Variants in CFAP221 observed in about 807,000 individuals in gnomAD.
The protein encoded by CFAP221 is cilia and flagella associated protein 221, also known as cilia- and flagella-associated protein 221.
A neutral mutation model predicts 113.1 loss-of-function variants in CFAP221; 97 were observed. That is an observed-to-expected ratio of 0.86 (90% confidence interval 0.73 to 1.02). CFAP221 has a LOEUF of 1.02. Among genes scored for constraint, CFAP221 ranks in the 50% least tolerant of loss-of-function variants. The probability of loss-of-function intolerance (pLI) is 0.00; values close to 1 mark genes in which losing one functional copy is unlikely to be tolerated. For missense variants in CFAP221, 1,025 were observed against 1,013.4 expected (o/e 1.01, Z -0.16); for synonymous variants, 331 against 354.4 (o/e 0.93, Z 0.74).
chr2:119,630,434 G>A (rs1686685245), intron 17 of CFAP221, 136 bp from the exon 18 acceptor site: 5 of 668,788 alleles, frequency 7.5e-6, no homozygotes, highest in Non-Finnish European at 1.3e-5. Flanking sequence ...ACCAACAATA[G>A]CCACAATCCG....
intron 6 of CFAP221, among the ~76,000 whole-genome samples, chr2:119,564,073 C>T (rs1192624494): frequency 2.0e-5 from 3 of 152,168 alleles, no homozygotes; most frequent in Non-Finnish European, 4.4e-5. Context: ...GAAGCAAGGC[C>T]TAAAGAGCCT....
chr2:119,622,011 A>G (rs1223772836), intron 14 of CFAP221, among the ~76,000 whole-genome samples: 1 of 152,146 alleles, frequency 6.6e-6, no homozygotes, highest in Non-Finnish European at 1.5e-5. Flanking sequence ...AAAAATAACT[A>G]AGATCAGAGC....
At chr2:119,580,006 C>T (rs1682731806) in intron 6 of CFAP221, among the ~76,000 whole-genome samples, 2 of 152,140 alleles carry the variant, frequency 1.3e-5, no homozygotes, top group Admixed American at 6.5e-5. Flanking sequence ...CTTCACATCG[C>T]GCATTACCCA....
At chr2:119,643,607 C>T (rs1176453558) in intron 21 of CFAP221, among the ~76,000 whole-genome samples, 1 of 152,086 alleles carries the variant, frequency 6.6e-6, no homozygotes. Context: ...TGCAGTGGCA[C>T]GATCTCAGCT....
At chr2:119,558,180 C>T (rs1410251014) in intron 3 of CFAP221, among the ~76,000 whole-genome samples, 1 of 152,154 alleles carries the variant, frequency 6.6e-6, no homozygotes, top group African/African-American at 2.4e-5. Flanking sequence ...CAATGAGAAG[C>T]ATGGGGACAA....
chr2:119,606,734 G>A (rs28412179), intron 11 of CFAP221, among the ~76,000 whole-genome samples: 5,092 of 152,214 alleles, frequency 0.033, 253 homozygotes, highest in African/African-American at 0.11. Context: ...ATGCATCTCT[G>A]TATCAGACTT....
chr2:119,589,817 G>A (rs1558939567), intron 7 of CFAP221: 1 of 152,190 alleles, frequency 6.6e-6, no homozygotes, highest in Admixed American at 6.5e-5. Flanking sequence ...CCTGAGGCTG[G>A]AGAAAATGAA....
At position 119,639,840 on chromosome 2, in the gene CFAP221, G is replaced by T; in HGVS notation, c.2193G>T (p.Leu731=). ...KSFQSLVLSS[L]PDPSKMETTK... is the part of the protein sequence containing the mutation. ...TCCAGTCCCTGGTTCTCTCCTCCCT[G>T]CCGGACCCCTCCAAGATGGAGACCA... The change falls in exon 21 of 24, where the codon CTG becomes CTT. Residue 731 remains leucine (L), a synonymous_variant. Transcript: ENST00000413369. 6.2e-7 allele frequency: 1 copy of T among 1,614,088 alleles called. No homozygotes were observed. Among genetic ancestry groups the T allele is most frequent in the Non-Finnish European group, 8.5e-7 (1 of 1,180,000 alleles).
At chr2:119,588,964 G>A (rs1004664880) in intron 7 of CFAP221, among the ~76,000 whole-genome samples, 5 of 152,146 alleles carry the variant, frequency 3.3e-5, no homozygotes, top group African/African-American at 1.2e-4. Flanking sequence ...AACAAAGAAA[G>A]ACCAAGGAAG....
intron 20 of CFAP221, among the ~76,000 whole-genome samples, chr2:119,639,290 T>C (rs957687492): frequency 1.3e-5 from 2 of 152,188 alleles, no homozygotes; most frequent in African/African-American, 4.8e-5. Context: ...TGGCCCACAA[T>C]GCCCTCGTGA....
intron 5 of CFAP221, among the ~76,000 whole-genome samples, chr2:119,560,872 A>C (rs1681195783): frequency 2.0e-5 from 3 of 152,144 alleles, no homozygotes; most frequent in African/African-American, 7.2e-5. Context: ...CATATTAGAG[A>C]TGCATTTCCA....
chr2:119,557,304 A>AC (rs1382115410), intron 3 of CFAP221: 1 of 152,228 alleles, frequency 6.6e-6, no homozygotes. Context: ...ACTCTGCAAC[A>AC]CATATGAACA....
intron 14 of CFAP221, among the ~76,000 whole-genome samples, chr2:119,621,223 CA>C (rs77833812): frequency 0.018 from 1,730 of 96,288 alleles, 7 homozygotes; most frequent in East Asian, 0.027. Context: ...GAAACTGTGT[CA>C]AAAAAAAAAA....
chr2:119,572,506 A>G (rs996479996), intron 6 of CFAP221: 5 of 687,834 alleles, frequency 7.3e-6, no homozygotes, highest in East Asian at 2.7e-5. Flanking sequence ...CATGGTTCTA[A>G]AAAGATTCAT....
In CFAP221 at chr2:119,611,745, G is replaced by A. The variant is rs1258857493; in HGVS notation, c.1311+3G>A. 1.2e-6 allele frequency: 2 copies of A among 1,606,684 alleles called. No individual in the cohort carries two copies. Among genetic ancestry groups the A allele is most frequent in the African/African-American group, 2.7e-5 (2 of 74,626 alleles). The stretch of plus-strand genomic sequence containing the variant: ...GGGTTGTTCGCAATCAAGAAGAGGT[G>A]GGTAACTTTCCTTTATTTAGAATCT... On this transcript the variant is annotated splice_donor_region_variant and intron_variant, in intron 13 of 23. Transcript: ENST00000413369.
chr2:119,642,666 G>A (rs142027391), intron 21 of CFAP221, among the ~76,000 whole-genome samples: 1 of 150,034 alleles, frequency 6.7e-6, no homozygotes, highest in East Asian at 2.0e-4. Context: ...AACCTCCCAA[G>A]TAGCTGGGAT....
chr2:119,584,548 C>T (rs565465974), intron 6 of CFAP221, among the ~76,000 whole-genome samples: 6 of 151,744 alleles, frequency 4.0e-5, no homozygotes, highest in Non-Finnish European at 8.8e-5. Context: ...GATTATGCCA[C>T]TGCACCCCAG....
intron 21 of CFAP221, among the ~76,000 whole-genome samples, chr2:119,644,148 A>T (rs896473192): frequency 2.6e-5 from 4 of 152,178 alleles, no homozygotes; most frequent in Non-Finnish European, 5.9e-5. Flanking sequence ...ACAAGACTCC[A>T]TCTCAAAAGA....
chr2:119,656,219 A>C (rs777688595), intron 23 of CFAP221, 143 bp from the exon 24 acceptor site: 3 of 628,912 alleles, frequency 4.8e-6, no homozygotes, highest in Non-Finnish European at 8.6e-6. Context: ...TGGTAAGTAA[A>C]CTATCACTAA....
Sources: gnomAD v4.1 joint callset for allele counts (sites outside exome capture counted in the v4.1 genomes callset) on GRCh38, gnomAD v4.1.1 for gene constraint, MANE v1.5 for transcripts, NCBI Gene and HGNC (gene_info 2026-07-23, HGNC 2026-07-21) for gene names.